CAMKMT: variants seen among roughly 807,000 people sequenced by gnomAD.
The protein encoded by CAMKMT is calmodulin-lysine N-methyltransferase.
Under a neutral mutation model 48.0 loss-of-function variants are expected in CAMKMT, and 53 were observed. The observed-to-expected ratio is 1.10, with a 90% confidence interval of 0.89 to 1.39. CAMKMT has a LOEUF of 1.39. CAMKMT is among the 40% of genes most tolerant of loss of function. The pLI, the probability that CAMKMT is intolerant of heterozygous loss-of-function variation, is 0.00. For missense variants in CAMKMT, 428 were observed against 402.7 expected, an observed-to-expected ratio of 1.06 and a Z score of -0.54; for synonymous variants, 165 against 152.3, an observed-to-expected ratio of 1.08 and a Z score of -0.61.
intron 3 of CAMKMT, among the ~76,000 whole-genome samples, chr2:44,614,733 A>C (rs1416052390): frequency 1.3e-5 from 2 of 152,088 alleles, no homozygotes; most frequent in Non-Finnish European, 2.9e-5. Flanking sequence ...ACAAAGAGGT[A>C]GCAAGTCCTG....
chr2:44,497,744 G>GAGAGAGAGAGAGAGAGT (rs1553403172), intron 3 of CAMKMT, among the ~76,000 whole-genome samples: 1 of 99,974 alleles, frequency 1.0e-5, no homozygotes, highest in Non-Finnish European at 1.9e-5. Flanking sequence ...AGAGAGAGAG[G>GAGAGAGAGAGAGAGAGT]GATAGTATAT....
intron 8 of CAMKMT, among the ~76,000 whole-genome samples, chr2:44,744,072 G>A (rs1409808904): frequency 6.6e-6 from 1 of 152,100 alleles, no homozygotes; most frequent in Non-Finnish European, 1.5e-5. Context: ...TTACTTCTTA[G>A]GAGAGATCTG....
In CAMKMT at chr2:44,429,931, A is replaced by G. The variant is rs573513596; in HGVS notation, c.376+39626A>G. Among the ~76,000 whole-genome samples, 4 of 151,974 alleles carry G rather than the reference A, an allele frequency of 2.6e-5. No homozygotes were observed. The East Asian group carries it at 7.7e-4, about 29-fold the overall frequency. On this transcript the variant is annotated intron_variant, in intron 3 of 10. Transcript: ENST00000378494. ...TTAAAGTTTGTGATAGTGATTATAT[A>G]TATGTGTATATATATGTATTGAGAC...
intron 3 of CAMKMT, among the ~76,000 whole-genome samples, chr2:44,686,250 G>A (rs986628288): frequency 6.6e-6 from 1 of 151,788 alleles, no homozygotes; most frequent in African/African-American, 2.4e-5. Context: ...AAAATTAGCC[G>A]GGCATGGTGG....
At chr2:44,487,839 A>G (rs1669286499) in intron 3 of CAMKMT, among the ~76,000 whole-genome samples, 1 of 152,254 alleles carries the variant, frequency 6.6e-6, no homozygotes, top group Non-Finnish European at 1.5e-5. Flanking sequence ...CCTTTTCCAA[A>G]GACTTGACAC....
At chr2:44,473,458 T>C (rs1668527147) in intron 3 of CAMKMT, among the ~76,000 whole-genome samples, 1 of 152,192 alleles carries the variant, frequency 6.6e-6, no homozygotes, top group South Asian at 2.1e-4. Context: ...AACAGTGCTA[T>C]GTTTAGTACA....
chr2:44,631,478 T>A (rs1232968676), intron 3 of CAMKMT: 1 of 602,352 alleles, frequency 1.7e-6, no homozygotes, highest in South Asian at 2.1e-5. Context: ...AATTTTTTAT[T>A]TTTTTTGTAC....
intron 7 of CAMKMT, among the ~76,000 whole-genome samples, chr2:44,731,063 G>A (rs939450332): frequency 2.6e-5 from 4 of 152,174 alleles, no homozygotes; most frequent in African/African-American, 7.2e-5. Context: ...AGACTCAGCC[G>A]GGCACAGTGG....
chr2:44,632,519 A>G (rs1453418972), intron 3 of CAMKMT, among the ~76,000 whole-genome samples: 2 of 152,220 alleles, frequency 1.3e-5, no homozygotes, highest in African/African-American at 4.8e-5. Flanking sequence ...ATAATTTCAC[A>G]TAGTCACTTT....
intron 3 of CAMKMT, among the ~76,000 whole-genome samples, chr2:44,651,892 A>C (rs917117724): frequency 6.6e-6 from 1 of 152,256 alleles, no homozygotes; most frequent in African/African-American, 2.4e-5. Context: ...AATTTTGCTC[A>C]CAGTAGTATT....
chr2:44,694,633 A>G (rs1676840076), intron 3 of CAMKMT, among the ~76,000 whole-genome samples: 1 of 152,366 alleles, frequency 6.6e-6, no homozygotes. Context: ...GGTTGCTTAT[A>G]TTAAGTAGAT....
intron 3 of CAMKMT, among the ~76,000 whole-genome samples, chr2:44,404,226 G>A (rs1364745457): frequency 6.6e-6 from 1 of 151,972 alleles, no homozygotes; most frequent in African/African-American, 2.4e-5. Context: ...ATTAGGATAT[G>A]ATTATTTTAG....
At chr2:44,419,974 C>CT (rs1683821779) in intron 3 of CAMKMT, among the ~76,000 whole-genome samples, 1 of 152,064 alleles carries the variant, frequency 6.6e-6, no homozygotes, top group African/African-American at 2.4e-5. Context: ...GCCATTGTTT[C>CT]TTTTTTTAGT....
At chr2:44,734,768 A>G (rs943252630) in intron 7 of CAMKMT, among the ~76,000 whole-genome samples, 3 of 152,314 alleles carry the variant, frequency 2.0e-5, no homozygotes, top group African/African-American at 2.4e-5. Flanking sequence ...GACTTACACT[A>G]TGACCCAGAA....
intron 3 of CAMKMT, among the ~76,000 whole-genome samples, chr2:44,483,233 A>G (rs138552078): frequency 5.3e-5 from 8 of 152,308 alleles, no homozygotes; most frequent in African/African-American, 1.7e-4. Context: ...TAGCTGCCTT[A>G]ACATTTAAAG....
intron 3 of CAMKMT, among the ~76,000 whole-genome samples, chr2:44,683,801 C>T (rs866477024): frequency 3.3e-3 from 364 of 111,516 alleles, no homozygotes; most frequent in African/African-American, 0.012. Flanking sequence ...CCAGCCTGGG[C>T]GACAGAGCGA....
intron 3 of CAMKMT, among the ~76,000 whole-genome samples, chr2:44,693,193 T>C (rs1676758424): frequency 6.6e-6 from 1 of 152,216 alleles, no homozygotes; most frequent in Non-Finnish European, 1.5e-5. Context: ...TCTTGCCCCG[T>C]TTCATCTAAT....
chr2:44,510,680 C>T (rs777111124), intron 3 of CAMKMT, among the ~76,000 whole-genome samples: 17 of 152,144 alleles, frequency 1.1e-4, no homozygotes, highest in East Asian at 1.9e-4. Flanking sequence ...CAATAGTTTT[C>T]GGGGTACAGA....
At chr2:44,673,476 AG>A (rs1348460615) in intron 3 of CAMKMT, among the ~76,000 whole-genome samples, 26 of 81,422 alleles carry the variant, frequency 3.2e-4, no homozygotes, top group African/African-American at 1.1e-3. Flanking sequence ...AGAGAGAGGA[AG>A]GAAGGAAGGA....
Sources: gnomAD v4.1 joint callset for allele counts (sites outside exome capture counted in the v4.1 genomes callset) on GRCh38, gnomAD v4.1.1 for gene constraint, MANE v1.5 for transcripts, NCBI Gene and HGNC (gene_info 2026-07-23, HGNC 2026-07-21) for gene names.